Variants in PEPD observed in about 807,000 individuals in gnomAD.
PEPD encodes the protein xaa-Pro dipeptidase.
Under a neutral mutation model 60.7 loss-of-function variants are expected in PEPD, and 53 were observed. That is an observed-to-expected ratio of 0.87 (90% CI 0.70 to 1.10). The LOEUF is 1.10. PEPD is among the 50% of genes least tolerant of loss of function. The pLI, the probability that PEPD is intolerant of heterozygous loss-of-function variation, is 0.00. For missense variants in PEPD, 711 were observed against 711.9 expected, an observed-to-expected ratio of 1.00 and a Z score of 0.01; for synonymous variants, 267 against 284.1, an observed-to-expected ratio of 0.94 and a Z score of 0.60.
chr19:33,396,568 C>A (rs1045403802), intron 12 of PEPD, among the ~76,000 whole-genome samples: 2 of 152,142 alleles, frequency 1.3e-5, no homozygotes, highest in African/African-American at 2.4e-5. Context: ...AGCGGGGGAA[C>A]GAAACACAAA....
At position 33,388,041 on chromosome 19, in the gene PEPD, C is replaced by T. The variant is rs1192146989; in HGVS notation, c.1193G>A (p.Arg398His). 1.7e-5 allele frequency: 27 copies of T among 1,557,310 alleles called. No homozygotes were observed. The highest frequency in any genetic ancestry group is 1.7e-4 in the Middle Eastern group (1 of 6,016). ...GCCTGGCTGCAGGTGCCGTGCAGTG[C>T]GCAGGCTCCGCAGGCCGGGCTCGTC... Reference protein sequence around the residue: ...RIDEPGLRSLRTARHLQPGMV... With the variant: ...RIDEPGLRSLHTARHLQPGMV... Residue 398 changes from arginine (R) to histidine (H), a missense_variant, in exon 14 of 15, where the codon CGC becomes CAC. By Grantham distance (29) the Arg-to-His change is conservative. Coordinates refer to ENST00000244137, the MANE Select transcript of PEPD (RefSeq NM_000285.4).
At chr19:33,514,856 C>A (rs933653028) in intron 1 of PEPD, among the ~76,000 whole-genome samples, 1 of 152,068 alleles carries the variant, frequency 6.6e-6, no homozygotes, top group African/African-American at 2.4e-5. Context: ...TCCCTCTCCT[C>A]CTGCCCCTAG....
chr19:33,479,399 G>T (rs79640805), intron 6 of PEPD, among the ~76,000 whole-genome samples: 1 of 151,962 alleles, frequency 6.6e-6, no homozygotes, highest in Non-Finnish European at 1.5e-5. Context: ...AAGGATTGGC[G>T]AATGAATTCT....
chr19:33,414,843 C>A (rs912850295), intron 9 of PEPD, among the ~76,000 whole-genome samples: 1 of 152,188 alleles, frequency 6.6e-6, no homozygotes, highest in Non-Finnish European at 1.5e-5. Context: ...TGGGTATCTG[C>A]GAGTGAAATA....
chr19:33,396,812 C>T (rs1968377364), intron 12 of PEPD, among the ~76,000 whole-genome samples: 1 of 152,086 alleles, frequency 6.6e-6, no homozygotes, highest in African/African-American at 2.4e-5. Context: ...GTGCTGGGGT[C>T]CTCTGGAGCT....
At chr19:33,472,060 C>G (rs1277417645) in intron 7 of PEPD, among the ~76,000 whole-genome samples, 1 of 151,858 alleles carries the variant, frequency 6.6e-6, no homozygotes. Flanking sequence ...ACTCGGGAGG[C>G]TGAGGCAGAA....
chr19:33,404,627 A>G (rs1399341733), intron 11 of PEPD, among the ~76,000 whole-genome samples: 1 of 152,172 alleles, frequency 6.6e-6, no homozygotes, highest in African/African-American at 2.4e-5. Context: ...GTGCCTGGAT[A>G]TCATCCGCCA....
intron 5 of PEPD, among the ~76,000 whole-genome samples, chr19:33,492,639 C>T (rs972750281): frequency 1.4e-4 from 22 of 152,196 alleles, no homozygotes; most frequent in Admixed American, 9.8e-4. Context: ...ATTTGTTCTA[C>T]CTAGCTATAT....
intron 9 of PEPD, among the ~76,000 whole-genome samples, chr19:33,460,047 T>C (rs1179298934): frequency 6.6e-6 from 1 of 152,106 alleles, no homozygotes; most frequent in African/African-American, 2.4e-5. Flanking sequence ...CCTTCCCTGG[T>C]AGCAGTTGAG....
rs1968217805 is a variant in PEPD at position 33,391,427 on chromosome 19, C to T, written c.1020G>A (p.Glu340=). The T allele has an allele frequency of 6.4e-7, 1 of 1,568,686 alleles. No homozygotes were observed. The highest frequency in any genetic ancestry group is 2.4e-5 in the East Asian group (1 of 42,502). ...HRLADRIHLE[E]LAHMGILSGS... ...CGCTCAGGATGCCCATGTGGGCCAG[C>T]TCCTCCAGGTGGATGCGGTCAGCCA... Residue 340 remains glutamate, a synonymous_variant, in exon 13 of 15, where the codon GAG becomes GAA. Coordinates refer to ENST00000244137, the MANE Select transcript of PEPD (RefSeq NM_000285.4).
intron 9 of PEPD, among the ~76,000 whole-genome samples, chr19:33,436,043 C>T (rs1969369076): frequency 6.6e-6 from 1 of 152,120 alleles, no homozygotes; most frequent in African/African-American, 2.4e-5. Flanking sequence ...CTGCCCCCAT[C>T]TTGGTTTCAG....
At chr19:33,425,644 T>C (rs963768551) in intron 9 of PEPD, among the ~76,000 whole-genome samples, 1 of 152,288 alleles carries the variant, frequency 6.6e-6, no homozygotes. Context: ...TTGGGTTTCA[T>C]TCATGACGAG....
intron 1 of PEPD, among the ~76,000 whole-genome samples, chr19:33,520,982 A>G (rs900519750): frequency 2.6e-5 from 4 of 152,204 alleles, no homozygotes. Context: ...TGTCCCCAGA[A>G]CACTCTGAAC....
chr19:33,404,389 C>T (rs745637478), intron 11 of PEPD, among the ~76,000 whole-genome samples: 4 of 152,052 alleles, frequency 2.6e-5, no homozygotes, highest in Non-Finnish European at 5.9e-5. Flanking sequence ...CAACAGCAGC[C>T]GGGGCAGAAA....
In PEPD at chr19:33,463,014, T is replaced by C; in HGVS notation, c.652A>G (p.Lys218Glu). Residue 218 changes from lysine to glutamate, a missense_variant, in exon 9 of 15, where the codon AAA (lysine) becomes GAA (glutamate). Transcript: ENST00000244137. Reference sequence around the variant, plus strand: ...GCTTACCTTTCCAACTCATATTCTTTCATTCCCACTTTTACAGCCTTCATT... The same window carrying C: ...GCTTACCTTTCCAACTCATATTCTTCCATTCCCACTTTTACAGCCTTCATT... ...EVMKAVKVGM[K>E]EYELESLFEH... 1 of 1,601,090 alleles carries C rather than the reference T, an allele frequency of 6.2e-7. No homozygotes were observed. The highest frequency in any genetic ancestry group is 1.7e-5 in the Admixed American group (1 of 60,010).
intron 3 of PEPD, among the ~76,000 whole-genome samples, chr19:33,501,612 G>A (rs1348233193): frequency 6.6e-6 from 1 of 152,108 alleles, no homozygotes; most frequent in African/African-American, 2.4e-5. Context: ...AGGAGGCGGA[G>A]GTTGCAGGGA....
chr19:33,500,126 C>T (rs1386250667), intron 4 of PEPD, among the ~76,000 whole-genome samples: 1 of 152,240 alleles, frequency 6.6e-6, no homozygotes, highest in Non-Finnish European at 1.5e-5. Flanking sequence ...CTGCCAGGTC[C>T]AGGTTGGACT....
chr19:33,457,519 T>C (rs1369694251), intron 9 of PEPD, among the ~76,000 whole-genome samples: 4 of 152,188 alleles, frequency 2.6e-5, no homozygotes, highest in Admixed American at 6.5e-5. Context: ...AAGTTTCTAG[T>C]CTTTTTTATT....
chr19:33,399,475 T>C (rs1222390329), intron 12 of PEPD, among the ~76,000 whole-genome samples: 1 of 152,178 alleles, frequency 6.6e-6, no homozygotes, highest in Non-Finnish European at 1.5e-5. Context: ...TCTGTTCCTG[T>C]TGGATGCGTG....
Sources: gnomAD v4.1 joint callset for allele counts (sites outside exome capture counted in the v4.1 genomes callset) on GRCh38, gnomAD v4.1.1 for gene constraint, MANE v1.5 for transcripts, NCBI Gene and HGNC (gene_info 2026-07-23, HGNC 2026-07-21) for gene names.